Variants in AGPAT3 observed in about 807,000 individuals in gnomAD.
The protein encoded by AGPAT3 is 1-acyl-sn-glycerol-3-phosphate acyltransferase gamma.
A neutral mutation model predicts 47.3 loss-of-function variants in AGPAT3; 5 were observed. The observed-to-expected ratio is 0.11, with a 90% CI of 0.06 to 0.22. The LOEUF (loss-of-function observed/expected upper bound fraction) is 0.22, where lower values mean the gene tolerates loss of function less well. AGPAT3 is among the 10% of genes least tolerant of loss of function. AGPAT3 has a pLI of 1.00. For missense variants in AGPAT3, 315 were observed against 493.0 expected, an observed-to-expected ratio of 0.64 and a Z score of 3.42; for synonymous variants, 212 against 208.3, an observed-to-expected ratio of 1.02 and a Z score of -0.15.
intron 7 of AGPAT3, among the ~76,000 whole-genome samples, chr21:43,976,892 C>T (rs2089640120): frequency 6.6e-6 from 1 of 152,214 alleles, no homozygotes; most frequent in South Asian, 2.1e-4. Flanking sequence ...CACACAGTAT[C>T]ACTGCTGCCT....
rs537944029 is a variant in AGPAT3, at chr21:43,963,833, G to A, written c.178+3974G>A. Among the ~76,000 whole-genome samples the A allele has an allele frequency of 4.3e-3, 648 of 152,096 alleles. 6 individuals carry two copies. Among genetic ancestry groups the A allele is most frequent in the Non-Finnish European group, 5.1e-3 (345 of 67,996 alleles). ...ATTTCTTACGGCAGGCAGCAGTGGC[G>A]GGAGAAGGTGGAAGATCCTCAATGT... On this transcript the variant is annotated intron_variant, in intron 3 of 9. Coordinates refer to ENST00000291572, the MANE Select transcript of AGPAT3 (RefSeq NM_020132.5).
intron 1 of AGPAT3, among the ~76,000 whole-genome samples, chr21:43,888,964 G>A (rs1469828363): frequency 6.6e-6 from 1 of 151,430 alleles, no homozygotes; most frequent in Non-Finnish European, 1.5e-5. Context: ...ACTCCAGCCT[G>A]AGCAATAGAG....
intron 2 of AGPAT3, among the ~76,000 whole-genome samples, chr21:43,904,403 C>T (rs1488997243): frequency 6.6e-6 from 1 of 152,190 alleles, no homozygotes; most frequent in Non-Finnish European, 1.5e-5. Flanking sequence ...AGGAAGTCCA[C>T]CCCTCTCCTG....
chr21:43,926,808 A>G (rs2087070329), intron 2 of AGPAT3, among the ~76,000 whole-genome samples: 1 of 151,296 alleles, frequency 6.6e-6, no homozygotes, highest in Non-Finnish European at 1.5e-5. Context: ...AAAAACACAA[A>G]AAGTTAGCTG....
At chr21:43,957,587 C>T (rs935190078) in intron 2 of AGPAT3, among the ~76,000 whole-genome samples, 26 of 146,764 alleles carry the variant, frequency 1.8e-4, no homozygotes, top group African/African-American at 4.8e-4. Flanking sequence ...CCCCTCCACA[C>T]GGGGTTTCCC....
chr21:43,888,124 T>C (rs933873097), intron 1 of AGPAT3, among the ~76,000 whole-genome samples: 1 of 152,226 alleles, frequency 6.6e-6, no homozygotes, highest in African/African-American at 2.4e-5. Flanking sequence ...CCCTGCAGCC[T>C]CAACCTCCCA....
At chr21:43,948,355 T>C (rs1470548618) in intron 2 of AGPAT3, 1 of 152,230 alleles carries the variant, frequency 6.6e-6, no homozygotes, top group Non-Finnish European at 1.5e-5. Flanking sequence ...ATTTGTTTCT[T>C]GTCTTAGGAA....
intron 2 of AGPAT3, among the ~76,000 whole-genome samples, chr21:43,959,254 TGCGGTGTGTGTG>T (rs2088691362): frequency 7.3e-6 from 1 of 137,266 alleles, no homozygotes; most frequent in South Asian, 2.4e-4. Context: ...GTGTGTGGTT[TGCGGTGTGTGTG>T]GCATGTGTGT....
intron 2 of AGPAT3, among the ~76,000 whole-genome samples, chr21:43,914,536 T>C (rs1343455287): frequency 4.1e-5 from 6 of 146,562 alleles, no homozygotes; most frequent in Non-Finnish European, 7.4e-5. Context: ...GAGGTTTTTT[T>C]TGTTTTGTTT....
chr21:43,964,620 G>A (rs1254385143), intron 3 of AGPAT3, among the ~76,000 whole-genome samples: 3 of 152,106 alleles, frequency 2.0e-5, no homozygotes, highest in Admixed American at 1.3e-4. Flanking sequence ...CAAGAAAGTA[G>A]AAAGAAAAGC....
chr21:43,922,312 CA>C lies in AGPAT3; in HGVS notation c.-49+18296del, dbSNP rs2086916533. Reference sequence around the variant, plus strand: ...GAGGCGAGGATGGTGAACACATCAGCAAACAGGAAGCGTGGGGGGAAGCGTG... The same window carrying C: ...GAGGCGAGGATGGTGAACACATCAGCAACAGGAAGCGTGGGGGGAAGCGTG... On this transcript the variant is annotated intron_variant, in intron 2 of 9. Coordinates refer to ENST00000291572, the MANE Select transcript of AGPAT3 (RefSeq NM_020132.5). The surrounding 1 kb of genome is among the most constrained non-coding windows in gnomAD (Gnocchi z 4.9). Among the ~76,000 whole-genome samples, 1 of 152,158 alleles carries C rather than the reference CA, an allele frequency of 6.6e-6. No individual in the cohort carries two copies. Among genetic ancestry groups the C allele is most frequent in the Admixed American group, 6.5e-5 (1 of 15,284 alleles).
At chr21:43,937,850 C>T (rs534899643) in intron 2 of AGPAT3, among the ~76,000 whole-genome samples, 1 of 152,294 alleles carries the variant, frequency 6.6e-6, no homozygotes, top group Non-Finnish European at 1.5e-5. Context: ...TCCCATGAAA[C>T]CAGATGACTT....
chr21:43,941,811 T>C (rs1289764185), intron 2 of AGPAT3, among the ~76,000 whole-genome samples: 1 of 152,248 alleles, frequency 6.6e-6, no homozygotes, highest in Non-Finnish European at 1.5e-5. Flanking sequence ...TATCAAATCA[T>C]TTCCTGGGAT....
intron 2 of AGPAT3, among the ~76,000 whole-genome samples, chr21:43,938,190 G>A (rs916196290): frequency 1.3e-5 from 2 of 151,854 alleles, no homozygotes; most frequent in African/African-American, 2.4e-5. Flanking sequence ...TTAAATGAAT[G>A]TCTTGGTTCC....
At chr21:43,968,204 G>A in intron 4 of AGPAT3, 89 bp downstream of exon 4, 1 of 1,337,224 alleles carries the variant, frequency 7.5e-7, no homozygotes, top group East Asian at 2.7e-5. Flanking sequence ...GGGCCGGGGT[G>A]AGCAGGGGGT....
rs1385350052 is a variant in AGPAT3, at chr21:43,920,501, C to T, written c.-49+16482C>T. Reference sequence around the variant, plus strand: ...GCTAATGAGGTGACTGTGGCTGGGGCTCCAGGACAGCCTCCTGGGGGACTG... The same window carrying T: ...GCTAATGAGGTGACTGTGGCTGGGGTTCCAGGACAGCCTCCTGGGGGACTG... On this transcript the variant is annotated intron_variant, in intron 2 of 9. Coordinates refer to ENST00000291572, the MANE Select transcript of AGPAT3 (RefSeq NM_020132.5). The surrounding 1 kb of genome is among the most constrained non-coding windows in gnomAD (Gnocchi z 6.1). Among the ~76,000 whole-genome samples, 2 of 152,146 alleles carry T rather than the reference C, an allele frequency of 1.3e-5. No individual in the cohort carries two copies. Among genetic ancestry groups the T allele is most frequent in the Non-Finnish European group, 2.9e-5 (2 of 68,028 alleles).
intron 3 of AGPAT3, chr21:43,966,260 G>A (rs1455903434): frequency 6.6e-6 from 1 of 152,370 alleles, no homozygotes; most frequent in African/African-American, 2.4e-5. Context: ...TGGGGAGTGT[G>A]CCTGTGTCTG....
Position 43,932,993 on chromosome 21 carries a change from G to T in AGPAT3, c.-48-26641G>T, listed in dbSNP as rs921331681. On this transcript the variant is annotated intron_variant, in intron 2 of 9. Coordinates refer to ENST00000291572, the MANE Select transcript of AGPAT3 (RefSeq NM_020132.5). This position sits in a 1 kb window ranked among gnomAD's most constrained non-coding sequence, Gnocchi z 5.2. ...TTTTGGAGGCACCTCCAGATGGTTT[G>T]TGTAGTGGCCACACTGATTGACGCT... Among the ~76,000 whole-genome samples, 1 of 152,168 alleles carries T rather than the reference G, an allele frequency of 6.6e-6. No homozygotes were observed. The highest frequency in any genetic ancestry group is 1.5e-5 in the Non-Finnish European group (1 of 68,034).
intron 2 of AGPAT3, among the ~76,000 whole-genome samples, chr21:43,921,127 A>G (rs569372012): frequency 2.6e-5 from 4 of 152,196 alleles, no homozygotes; most frequent in Non-Finnish European, 4.4e-5. Context: ...AAACAAAACA[A>G]GACAAAACAG....
Sources: allele counts gnomAD v4.1 joint callset (sites outside exome capture counted in the v4.1 genomes callset), GRCh38; gene constraint gnomAD v4.1.1; non-coding constraint Gnocchi (gnomAD v3.1); transcripts MANE v1.5; gene names NCBI Gene and HGNC (gene_info 2026-07-23, HGNC 2026-07-21).